Variants in PCDH11X observed in about 807,000 individuals in gnomAD.
PCDH11X encodes the protein protocadherin 11 X-linked, also known as protocadherin-11 X-linked.
A neutral mutation model predicts 53.3 loss-of-function variants in PCDH11X; 18 were observed. The observed-to-expected ratio is 0.34, with a 90% CI of 0.23 to 0.50. PCDH11X has a LOEUF of 0.50. PCDH11X is among the 20% of genes least tolerant of loss of function. The pLI is 0.98. For missense variants in PCDH11X, 570 were observed against 1,032.4 expected (o/e 0.55, Z 6.14); for synonymous variants, 279 against 393.3 (o/e 0.71, Z 3.44).
At chrX:92,131,062 A>G (rs1402674891) in intron 6 of PCDH11X, among the ~76,000 whole-genome samples, 1 of 111,506 alleles carries the variant, frequency 9.0e-6, no homozygotes, top group Non-Finnish European at 1.9e-5. Flanking sequence ...TTACCACTTA[A>G]CAGGATGCCC....
At chrX:91,839,332 G>C (rs1937421657) in intron 5 of PCDH11X, among the ~76,000 whole-genome samples, 1 of 108,857 alleles carries the variant, frequency 9.2e-6, no homozygotes, top group South Asian at 3.9e-4. Flanking sequence ...AAAGAAAAAA[G>C]ACTGGGCACA....
chrX:91,984,863 A>T (rs1317431944), intron 6 of PCDH11X, among the ~76,000 whole-genome samples: 1 of 111,062 alleles, frequency 9.0e-6, no homozygotes, highest in African/African-American at 3.3e-5. Context: ...TGTTCAGGGG[A>T]TCTCATTTCC....
At chrX:91,968,994 A>G (rs1360724943) in intron 6 of PCDH11X, among the ~76,000 whole-genome samples, 4 of 111,170 alleles carry the variant, frequency 3.6e-5, no homozygotes, top group Non-Finnish European at 7.5e-5. Flanking sequence ...TCACATCCTA[A>G]TTGAAATATA....
chrX:92,276,820 A>G (rs1253793446), intron 8 of PCDH11X, among the ~76,000 whole-genome samples: 1 of 111,620 alleles, frequency 9.0e-6, no homozygotes, highest in Non-Finnish European at 1.9e-5. Context: ...AGGGCTGTAA[A>G]GCTTCTCAGG....
At chrX:92,096,946 T>C (rs1301566672) in intron 6 of PCDH11X, among the ~76,000 whole-genome samples, 2 of 111,755 alleles carry the variant, frequency 1.8e-5, no homozygotes, top group Non-Finnish European at 3.8e-5. Context: ...AAAGTTAGGA[T>C]TAAAGTGGAA....
At chrX:92,246,102 C>G (rs373625502) in intron 7 of PCDH11X, among the ~76,000 whole-genome samples, 2 of 110,806 alleles carry the variant, frequency 1.8e-5, no homozygotes, top group Non-Finnish European at 3.8e-5. Flanking sequence ...AGAAACATAT[C>G]GGAATGTTCT....
At chrX:92,509,349 C>T (rs1452035865) in intron 10 of PCDH11X, among the ~76,000 whole-genome samples, 1 of 110,492 alleles carries the variant, frequency 9.1e-6, no homozygotes. Context: ...ATGATTGACA[C>T]TCTGGCACTA....
chrX:92,159,209 A>T (rs2065593892), intron 6 of PCDH11X, among the ~76,000 whole-genome samples: 1 of 111,029 alleles, frequency 9.0e-6, no homozygotes, highest in African/African-American at 3.3e-5. Flanking sequence ...AAAGTTTGGA[A>T]GTCCTAGTTA....
At chrX:92,186,272 T>G (rs1481582936) in intron 6 of PCDH11X, among the ~76,000 whole-genome samples, 1 of 111,970 alleles carries the variant, frequency 8.9e-6, no homozygotes, top group African/African-American at 3.2e-5. Context: ...TAGGCACATA[T>G]GAGAGCATGT....
intron 10 of PCDH11X, among the ~76,000 whole-genome samples, chrX:92,495,664 G>C (rs1040181549): frequency 9.2e-6 from 1 of 109,120 alleles, no homozygotes; most frequent in Non-Finnish European, 1.9e-5. Context: ...ACCCGAGACT[G>C]GGAATAAAAA....
chrX:91,908,284 A>G (rs1455252066), intron 6 of PCDH11X, among the ~76,000 whole-genome samples: 2 of 111,795 alleles, frequency 1.8e-5, no homozygotes, highest in African/African-American at 6.5e-5. Flanking sequence ...TCTAATATCC[A>G]GCCTCTATAA....
At chrX:92,404,151 C>A (rs1441194956) in intron 9 of PCDH11X, among the ~76,000 whole-genome samples, 1 of 106,333 alleles carries the variant, frequency 9.4e-6, no homozygotes, top group Non-Finnish European at 1.9e-5. Context: ...TGTTTCCACT[C>A]TCACAGGAAT....
chrX:92,497,303 A>T (rs1488606233), intron 10 of PCDH11X, among the ~76,000 whole-genome samples: 1 of 111,114 alleles, frequency 9.0e-6, no homozygotes, highest in Non-Finnish European at 1.9e-5. Context: ...AAGGCTGAAG[A>T]ACAAGGCCTA....
chrX:91,897,165 A>G (rs1260212511), intron 6 of PCDH11X, among the ~76,000 whole-genome samples: 1 of 92,710 alleles, frequency 1.1e-5, no homozygotes, highest in African/African-American at 4.3e-5. Flanking sequence ...ACCTACTCCC[A>G]TTTCTAATAT....
intron 6 of PCDH11X, among the ~76,000 whole-genome samples, chrX:91,900,583 G>A (rs760215214): frequency 1.8e-5 from 2 of 110,412 alleles, no homozygotes; most frequent in South Asian, 3.9e-4. Context: ...CAGGATGATG[G>A]GGAACACTGT....
At chrX:92,586,021 T>C (rs1329656915) in intron 10 of PCDH11X, among the ~76,000 whole-genome samples, 1 of 82,959 alleles carries the variant, frequency 1.2e-5, no homozygotes. Context: ...AGAAGAAAAA[T>C]AGACTTTCTA....
intron 6 of PCDH11X, among the ~76,000 whole-genome samples, chrX:92,160,497 T>G (rs2065622230): frequency 1.8e-5 from 2 of 109,427 alleles, no homozygotes; most frequent in South Asian, 7.9e-4. Flanking sequence ...AATTCATTCC[T>G]TTTTATGGCT....
At chrX:91,937,764 G>T (rs1346927449) in intron 6 of PCDH11X, among the ~76,000 whole-genome samples, 4 of 110,572 alleles carry the variant, frequency 3.6e-5, no homozygotes, top group African/African-American at 1.3e-4. Context: ...TCAACATCTG[G>T]TACAGTTTCA....
At chrX:92,606,971 A>C (rs1926893382) in intron 10 of PCDH11X, among the ~76,000 whole-genome samples, 1 of 110,676 alleles carries the variant, frequency 9.0e-6, no homozygotes, top group African/African-American at 3.3e-5. Flanking sequence ...TCACAATGAG[A>C]TAGCACTTCT....
Sources: gnomAD v4.1 joint callset for allele counts (sites outside exome capture counted in the v4.1 genomes callset) on GRCh38, gnomAD v4.1.1 for gene constraint, MANE v1.5 for transcripts, NCBI Gene and HGNC (gene_info 2026-07-23, HGNC 2026-07-21) for gene names.